The following TMEM135 variants were observed in gnomAD, a reference collection of about 807,000 sequenced individuals.
The protein encoded by TMEM135 is peroxisomal membrane protein 52.
TMEM135 carries 30 observed loss-of-function variants against 60.3 expected under a neutral mutation model. The ratio of observed to expected loss-of-function variants is 0.50; its 90% CI spans 0.37 to 0.68. The LOEUF is 0.68. Ranked by LOEUF, TMEM135 falls within the 30% of genes least tolerant of loss-of-function variation. The pLI is 0.00. For missense variants in TMEM135, 468 were observed against 548.8 expected (o/e 0.85, Z 1.47); for synonymous variants, 190 against 186.7 (o/e 1.02, Z -0.14).
chr11:87,075,159 A>T (rs1465521826), intron 3 of TMEM135, among the ~76,000 whole-genome samples: 1 of 151,518 alleles, frequency 6.6e-6, no homozygotes, highest in Non-Finnish European at 1.5e-5. Context: ...TTTTTAATTT[A>T]ATTAGTTTAT....
At chr11:87,218,237 T>TA (rs950199388) in intron 5 of TMEM135, among the ~76,000 whole-genome samples, 3 of 152,102 alleles carry the variant, frequency 2.0e-5, no homozygotes, top group African/African-American at 7.2e-5. Context: ...GTGTCAGTGT[T>TA]AAAAAACTCT....
chr11:87,078,272 T>A (rs1163370810), intron 3 of TMEM135, among the ~76,000 whole-genome samples: 1 of 152,204 alleles, frequency 6.6e-6, no homozygotes, highest in Non-Finnish European at 1.5e-5. Flanking sequence ...ATGATAGTCA[T>A]TGTAGTGAGT....
intron 5 of TMEM135, among the ~76,000 whole-genome samples, chr11:87,204,056 C>T (rs1003017248): frequency 6.6e-6 from 1 of 151,902 alleles, no homozygotes; most frequent in Non-Finnish European, 1.5e-5. Context: ...TTCAACTTGA[C>T]TGCCCATACA....
intron 5 of TMEM135, among the ~76,000 whole-genome samples, chr11:87,229,635 AT>A (rs1238146028): frequency 6.6e-6 from 1 of 152,188 alleles, no homozygotes; most frequent in African/African-American, 2.4e-5. Flanking sequence ...TTTACAAAGT[AT>A]GCTTTGGTAT....
intron 4 of TMEM135, among the ~76,000 whole-genome samples, chr11:87,116,644 CACA>C: frequency 2.3e-5 from 1 of 43,128 alleles, no homozygotes; most frequent in South Asian, 7.5e-4. Flanking sequence ...CACACACACA[CACA>C]GACACACACA....
At chr11:87,073,190 A>G (rs1444680991) in intron 3 of TMEM135, among the ~76,000 whole-genome samples, 1 of 152,030 alleles carries the variant, frequency 6.6e-6, no homozygotes, top group Non-Finnish European at 1.5e-5. Flanking sequence ...ACGTGCCACC[A>G]CGCCCAGCTA....
chr11:87,273,518 A>G (rs1487699093), intron 6 of TMEM135, among the ~76,000 whole-genome samples: 4 of 152,158 alleles, frequency 2.6e-5, no homozygotes, highest in Non-Finnish European at 4.4e-5. Flanking sequence ...TAGAAGAAAC[A>G]TATTGTATTG....
intron 9 of TMEM135, 115 bp downstream of exon 9, chr11:87,306,120 C>G (rs2135444149): frequency 3.4e-6 from 2 of 594,726 alleles, no homozygotes; most frequent in East Asian, 7.4e-5. Flanking sequence ...TAAATGCTAT[C>G]ATTCTTTGAA....
intron 7 of TMEM135, among the ~76,000 whole-genome samples, chr11:87,298,331 TA>T (rs533713999): frequency 1.3e-5 from 2 of 152,190 alleles, no homozygotes; most frequent in Non-Finnish European, 2.9e-5. Flanking sequence ...TAAAATGGCT[TA>T]AGGAAGTGCT....
chr11:87,169,285 C>G (rs974782257), intron 5 of TMEM135, among the ~76,000 whole-genome samples: 1 of 148,208 alleles, frequency 6.7e-6, no homozygotes, highest in Non-Finnish European at 1.5e-5. Context: ...TTAATTGGGG[C>G]ATTTAGCCCA....
intron 6 of TMEM135, among the ~76,000 whole-genome samples, chr11:87,272,558 T>C (rs1441083436): frequency 6.6e-6 from 1 of 152,092 alleles, no homozygotes; most frequent in Non-Finnish European, 1.5e-5. Context: ...CCTCCCAGGC[T>C]CAAGTGAGCT....
At chr11:87,172,910 C>T (rs891052243) in intron 5 of TMEM135, among the ~76,000 whole-genome samples, 2 of 151,488 alleles carry the variant, frequency 1.3e-5, no homozygotes, top group African/African-American at 4.8e-5. Context: ...TTTGATATTT[C>T]TTATGCACAA....
intron 5 of TMEM135, among the ~76,000 whole-genome samples, chr11:87,221,973 G>A (rs1269027365): frequency 3.3e-5 from 5 of 152,016 alleles, no homozygotes; most frequent in African/African-American, 1.2e-4. Flanking sequence ...CGAGGTGGGC[G>A]GATTGTGAGG....
intron 4 of TMEM135, among the ~76,000 whole-genome samples, chr11:87,125,725 C>T (rs1254046138): frequency 6.6e-6 from 1 of 152,172 alleles, no homozygotes; most frequent in Non-Finnish European, 1.5e-5. Flanking sequence ...AAAACTGTTA[C>T]TCCAGCTGAT....
intron 3 of TMEM135, among the ~76,000 whole-genome samples, chr11:87,086,198 G>A (rs553929295): frequency 1.6e-3 from 246 of 152,228 alleles, no homozygotes; most frequent in African/African-American, 5.7e-3. Context: ...GCTATGTCTA[G>A]TAATTCCATA....
intron 3 of TMEM135, among the ~76,000 whole-genome samples, chr11:87,089,889 A>G (rs575109174): frequency 2.6e-5 from 4 of 152,318 alleles, no homozygotes; most frequent in Non-Finnish European, 5.9e-5. Flanking sequence ...AAAACCTTAT[A>G]GATAATCTTA....
chr11:87,067,032 G>T (rs916947115), intron 1 of TMEM135, among the ~76,000 whole-genome samples: 1 of 150,324 alleles, frequency 6.7e-6, no homozygotes, highest in African/African-American at 2.4e-5. Flanking sequence ...TGCCCACCTC[G>T]GCCTCCCAAA....
At chr11:87,046,082 G>C (rs1949793059) in intron 1 of TMEM135, among the ~76,000 whole-genome samples, 1 of 152,168 alleles carries the variant, frequency 6.6e-6, no homozygotes, top group Non-Finnish European at 1.5e-5. Flanking sequence ...AAAAATAAAA[G>C]TAAAGTAGTA....
chr11:87,157,714 G>A, intron 5 of TMEM135: 1 of 293,936 alleles, frequency 3.4e-6, no homozygotes, highest in Non-Finnish European at 6.5e-6. Context: ...CTTAGCTTTT[G>A]CTTTCTTTCT....
Sources: allele counts gnomAD v4.1 joint callset (sites outside exome capture counted in the v4.1 genomes callset), GRCh38; gene constraint gnomAD v4.1.1; transcripts MANE v1.5; gene names NCBI Gene and HGNC (gene_info 2026-07-23, HGNC 2026-07-21).